The following MITF variants were observed in gnomAD, a reference collection of about 807,000 sequenced individuals.
MITF encodes the protein microphthalmia-associated transcription factor.
Under a neutral mutation model 60.5 loss-of-function variants are expected in MITF, and 17 were observed. That is an observed-to-expected ratio of 0.28 (90% CI 0.19 to 0.42). The LOEUF (loss-of-function observed/expected upper bound fraction) is 0.42, where lower values mean the gene tolerates loss of function less well. Ranked by LOEUF, MITF falls within the 10% of genes least tolerant of loss-of-function variation. The pLI, the probability that MITF is intolerant of heterozygous loss-of-function variation, is 1.00. For missense variants in MITF, 622 were observed against 683.5 expected, an observed-to-expected ratio of 0.91 and a Z score of 1.00; for synonymous variants, 260 against 248.5, an observed-to-expected ratio of 1.05 and a Z score of -0.43.
chr3:69,917,826 A>G (rs2065370496), intron 2 of MITF, among the ~76,000 whole-genome samples: 1 of 152,168 alleles, frequency 6.6e-6, no homozygotes, highest in African/African-American at 2.4e-5. Context: ...TTTAGAAAAG[A>G]TAGAGACTGT....
At chr3:69,870,441 T>TATATATA (rs1234044352) in intron 1 of MITF, among the ~76,000 whole-genome samples, 1 of 131,260 alleles carries the variant, frequency 7.6e-6, no homozygotes, top group African/African-American at 3.2e-5. Context: ...TATATATATA[T>TATATATA]TTTTTTTTTT....
chr3:69,831,705 T>G (rs2063450298), intron 1 of MITF, among the ~76,000 whole-genome samples: 2 of 152,222 alleles, frequency 1.3e-5, no homozygotes. Flanking sequence ...CAGATTTGAA[T>G]CTTACAGTTA....
At chr3:69,833,669 TACAC>T in intron 1 of MITF, among the ~76,000 whole-genome samples, 1 of 42,368 alleles carries the variant, frequency 2.4e-5, no homozygotes, top group Non-Finnish European at 1.1e-4. Context: ...TTTCCCTGTT[TACAC>T]TGTATGTGGT....
At chr3:69,907,282 G>A (rs1318594031) in intron 2 of MITF, among the ~76,000 whole-genome samples, 1 of 152,126 alleles carries the variant, frequency 6.6e-6, no homozygotes, top group Non-Finnish European at 1.5e-5. Flanking sequence ...CTGAATCACT[G>A]GATGAAAAAG....
At chr3:69,755,981 T>A (rs893192994) in intron 1 of MITF, among the ~76,000 whole-genome samples, 2 of 152,202 alleles carry the variant, frequency 1.3e-5, no homozygotes, top group Non-Finnish European at 2.9e-5. Context: ...AAATGGTTAA[T>A]CACAGAAACA....
chr3:69,799,685 G>C (rs1195469445), intron 1 of MITF, among the ~76,000 whole-genome samples: 2 of 151,976 alleles, frequency 1.3e-5, no homozygotes, highest in South Asian at 2.1e-4. Context: ...TTTTTTGTTT[G>C]TTTGTTTGTT....
chr3:69,797,270 C>T (rs536835949), intron 1 of MITF, among the ~76,000 whole-genome samples: 1 of 151,954 alleles, frequency 6.6e-6, no homozygotes, highest in African/African-American at 2.4e-5. Context: ...AGTTTTTTAA[C>T]CTGTGTTCTC....
intron 1 of MITF, among the ~76,000 whole-genome samples, chr3:69,855,079 G>A (rs1368762220): frequency 6.6e-6 from 1 of 151,832 alleles, no homozygotes; most frequent in Non-Finnish European, 1.5e-5. Flanking sequence ...TTGTAAGCAT[G>A]TTATCAGTTT....
chr3:69,825,758 A>G (rs905341903), intron 1 of MITF, among the ~76,000 whole-genome samples: 1 of 152,110 alleles, frequency 6.6e-6, no homozygotes, highest in Non-Finnish European at 1.5e-5. Flanking sequence ...TATTTTTGAG[A>G]TGGGGAAACT....
At chr3:69,855,332 TATA>T (rs2063899436) in intron 1 of MITF, among the ~76,000 whole-genome samples, 1 of 150,826 alleles carries the variant, frequency 6.6e-6, no homozygotes, top group African/African-American at 2.4e-5. Flanking sequence ...TTTAAAAATC[TATA>T]ATAATAAATA....
At chr3:69,875,539 C>T (rs778688144) in intron 1 of MITF, among the ~76,000 whole-genome samples, 57 of 152,140 alleles carry the variant, frequency 3.7e-4, no homozygotes, top group Non-Finnish European at 5.1e-4. Flanking sequence ...GATTATCTAG[C>T]GAAGATTCAG....
chr3:69,803,286 T>A (rs2062951977), intron 1 of MITF, among the ~76,000 whole-genome samples: 1 of 152,254 alleles, frequency 6.6e-6, no homozygotes, highest in African/African-American at 2.4e-5. Context: ...CACTGCCGTC[T>A]TCTTGGGTAT....
At chr3:69,872,296 T>C (rs921856079) in intron 1 of MITF, among the ~76,000 whole-genome samples, 1 of 152,084 alleles carries the variant, frequency 6.6e-6, no homozygotes, top group Admixed American at 6.5e-5. Flanking sequence ...AGTTGGAGTA[T>C]ACATAAGTGA....
In MITF at chr3:69,863,998, G is replaced by GGTCAATATTAATACA. The variant is rs1283656155; in HGVS notation, c.105-15134_105-15120dup. ...CTCATTTCTCTTAGTTCTCTAGATTGGTCAATATTAATACAGGACAGGTAG... is the reference window on the plus strand; with the variant it reads ...CTCATTTCTCTTAGTTCTCTAGATTGGTCAATATTAATACAGTCAATATTAATACAGGACAGGTAG... On this transcript the variant is annotated intron_variant, in intron 1 of 9. Coordinates refer to ENST00000352241, the MANE Select transcript of MITF (RefSeq NM_001354604.2). Among the ~76,000 whole-genome samples the GGTCAATATTAATACA allele has an allele frequency of 2.0e-5, 3 of 151,794 alleles. No individual in the cohort carries two copies. The East Asian group carries it at 5.8e-4, about 29-fold the overall frequency.
At chr3:69,758,849 A>G (rs2062169173) in intron 1 of MITF, 2 of 210,878 alleles carry the variant, frequency 9.5e-6, no homozygotes, top group Non-Finnish European at 1.9e-5. Flanking sequence ...AGCCCTTGCC[A>G]TGTGTTTCTG....
intron 1 of MITF, among the ~76,000 whole-genome samples, chr3:69,834,548 C>A (rs1054790056): frequency 1.3e-5 from 2 of 152,106 alleles, no homozygotes; most frequent in African/African-American, 4.8e-5. Flanking sequence ...TGTATATATA[C>A]TACATTTTCT....
chr3:69,940,898 CA>C (rs2065952895), intron 4 of MITF, among the ~76,000 whole-genome samples: 1 of 152,134 alleles, frequency 6.6e-6, no homozygotes. Flanking sequence ...TCATTTATTT[CA>C]CCTGGAAAAT....
intron 4 of MITF, among the ~76,000 whole-genome samples, chr3:69,940,905 A>C (rs2065953072): frequency 6.6e-6 from 1 of 152,160 alleles, no homozygotes; most frequent in East Asian, 1.9e-4. Flanking sequence ...TTTCACCTGG[A>C]AAATTGCTAT....
At position 69,956,246 on chromosome 3, in the gene MITF, G is replaced by A. The variant is rs140629558; in HGVS notation, c.956-209G>A. ...TTGTTATAAGAACAAATGAGAAATCGTCTGTATCTAAGGGCTTTGGAAATG... is the reference window on the plus strand; with the variant it reads ...TTGTTATAAGAACAAATGAGAAATCATCTGTATCTAAGGGCTTTGGAAATG... On this transcript the variant is annotated intron_variant, in intron 7 of 9. Coordinates refer to ENST00000352241, the MANE Select transcript of MITF (RefSeq NM_001354604.2). Among the ~76,000 whole-genome samples, 1,177 of 152,228 alleles carry A rather than the reference G, an allele frequency of 7.7e-3. 10 individuals carry two copies. Among genetic ancestry groups the A allele is most frequent in the African/African-American group, 0.026 (1,097 of 41,534 alleles).
Sources: allele counts gnomAD v4.1 joint callset (sites outside exome capture counted in the v4.1 genomes callset), GRCh38; gene constraint gnomAD v4.1.1; transcripts MANE v1.5; gene names NCBI Gene and HGNC (gene_info 2026-07-23, HGNC 2026-07-21).